Variants in TSPAN9 observed in about 807,000 individuals in gnomAD.
TSPAN9 encodes tetraspanin 9.
A neutral mutation model predicts 31.0 loss-of-function variants in TSPAN9; 16 were observed. The observed-to-expected ratio is 0.52, with a 90% CI of 0.35 to 0.78. The LOEUF is 0.78. Ranked by LOEUF, TSPAN9 falls within the 30% of genes least tolerant of loss-of-function variation. The pLI is 0.01. For synonymous variants in TSPAN9, 145 were observed against 121.6 expected (o/e 1.19, Z -1.27); for missense variants, 272 against 312.5 (o/e 0.87, Z 0.98).
chr12:3,231,735 G>A (rs1256008444), intron 3 of TSPAN9, among the ~76,000 whole-genome samples: 3 of 152,238 alleles, frequency 2.0e-5, no homozygotes, highest in Admixed American at 2.0e-4. Flanking sequence ...ATGATCTCCC[G>A]GCTCGGGTTA....
chr12:3,255,243 T>G (rs1479037330), intron 3 of TSPAN9, among the ~76,000 whole-genome samples: 1 of 152,214 alleles, frequency 6.6e-6, no homozygotes, highest in East Asian at 1.9e-4. Context: ...GAGGCTGTGT[T>G]AGGCGAGCCC....
At chr12:3,081,414 A>G (rs2098297745) in intron 1 of TSPAN9, among the ~76,000 whole-genome samples, 2 of 152,062 alleles carry the variant, frequency 1.3e-5, no homozygotes, top group South Asian at 4.1e-4. Flanking sequence ...TCTCCCAAGC[A>G]TGCTTTGCGC....
At chr12:3,136,208 T>C (rs2098332056) in intron 2 of TSPAN9, among the ~76,000 whole-genome samples, 1 of 152,196 alleles carries the variant, frequency 6.6e-6, no homozygotes. Flanking sequence ...CTGACTCCTT[T>C]GCTTACATTT....
At chr12:3,220,548 C>G (rs1422443206) in intron 3 of TSPAN9, among the ~76,000 whole-genome samples, 1 of 152,212 alleles carries the variant, frequency 6.6e-6, no homozygotes, top group Non-Finnish European at 1.5e-5. Flanking sequence ...TTCGTCGATT[C>G]TGCTGCACCC....
At chr12:3,153,235 G>T (rs1369247479) in intron 2 of TSPAN9, among the ~76,000 whole-genome samples, 1 of 152,138 alleles carries the variant, frequency 6.6e-6, no homozygotes, top group Non-Finnish European at 1.5e-5. Context: ...TTATTTCAGG[G>T]TCAGGAGCTA....
intron 2 of TSPAN9, among the ~76,000 whole-genome samples, chr12:3,099,262 T>G (rs2098310675): frequency 6.6e-6 from 1 of 152,254 alleles, no homozygotes; most frequent in Non-Finnish European, 1.5e-5. Flanking sequence ...TTTCTATTGC[T>G]ATGTCTTCAA....
At chr12:3,181,882 G>A (rs1218862024) in intron 2 of TSPAN9, among the ~76,000 whole-genome samples, 1 of 152,156 alleles carries the variant, frequency 6.6e-6, no homozygotes, top group Non-Finnish European at 1.5e-5. Flanking sequence ...TCCCATGGGT[G>A]CCTGAGCTCA....
intron 3 of TSPAN9, among the ~76,000 whole-genome samples, chr12:3,254,042 C>T (rs1565633329): frequency 6.6e-6 from 1 of 152,162 alleles, no homozygotes; most frequent in Non-Finnish European, 1.5e-5. Context: ...TCCTGGCCCT[C>T]CTGCTGAGTC....
intron 3 of TSPAN9, among the ~76,000 whole-genome samples, chr12:3,207,045 C>T (rs758406663): frequency 4.6e-5 from 7 of 152,092 alleles, no homozygotes; most frequent in Non-Finnish European, 8.8e-5. Flanking sequence ...CCCAGAGAAA[C>T]AAAGGGTCGT....
chr12:3,270,350 A>G (rs1862650371), intron 3 of TSPAN9, among the ~76,000 whole-genome samples: 1 of 152,130 alleles, frequency 6.6e-6, no homozygotes, highest in Admixed American at 6.5e-5. Flanking sequence ...GTGTGTGGGG[A>G]CAGCACATGA....
At chr12:3,243,207 C>G (rs2098397512) in intron 3 of TSPAN9, among the ~76,000 whole-genome samples, 1 of 152,160 alleles carries the variant, frequency 6.6e-6, no homozygotes, top group African/African-American at 2.4e-5. Flanking sequence ...GAGTTACTGT[C>G]CGTGGTTGAG....
At chr12:3,149,044 C>G (rs1271568627) in intron 2 of TSPAN9, among the ~76,000 whole-genome samples, 1 of 152,182 alleles carries the variant, frequency 6.6e-6, no homozygotes, top group Non-Finnish European at 1.5e-5. Flanking sequence ...GCTTTCAGCC[C>G]CCCGCCATTT....
rs1439551732 is a variant in TSPAN9, at chr12:3,206,501, C to A, written c.63+5245C>A. 9.4e-6 allele frequency: 3 copies of A among 319,746 alleles called. No individual in the cohort carries two copies. In the East Asian group the frequency reaches 2.4e-4, roughly 26 times the overall value. The allele number at this position is 319,746 out of a possible 1,614,324, so 19.8% of individuals were successfully genotyped here. On this transcript the variant is annotated intron_variant, in intron 3 of 8. Coordinates refer to ENST00000011898, the MANE Select transcript of TSPAN9 (RefSeq NM_006675.5). ...GACTTGTCCTTTCCTCCCCTCTACA[C>A]CCACACAGCCACTTTCTGACTCTCC...
At chr12:3,270,292 C>T (rs1293379887) in intron 3 of TSPAN9, among the ~76,000 whole-genome samples, 1 of 152,168 alleles carries the variant, frequency 6.6e-6, no homozygotes, top group Non-Finnish European at 1.5e-5. Flanking sequence ...AGGTGACCTG[C>T]ATCGTCCTGT....
intron 2 of TSPAN9, among the ~76,000 whole-genome samples, chr12:3,109,393 C>G (rs947375781): frequency 6.6e-6 from 1 of 151,142 alleles, no homozygotes; most frequent in Non-Finnish European, 1.5e-5. Context: ...CCTTGGAAGT[C>G]TTTACATTTT....
At chr12:3,212,125 C>T (rs1376309825) in intron 3 of TSPAN9, among the ~76,000 whole-genome samples, 1 of 152,144 alleles carries the variant, frequency 6.6e-6, no homozygotes, top group Non-Finnish European at 1.5e-5. Flanking sequence ...GTGTGTGCCA[C>T]CATGCCTGGC....
At chr12:3,235,568 G>A (rs1419750412) in intron 3 of TSPAN9, among the ~76,000 whole-genome samples, 2 of 152,084 alleles carry the variant, frequency 1.3e-5, no homozygotes, top group Non-Finnish European at 2.9e-5. Context: ...GTCACCAGGG[G>A]CTACATGGAT....
chr12:3,113,671 A>T lies in TSPAN9; in HGVS notation c.-18+29952A>T, dbSNP rs1043480827. On this transcript the variant is annotated intron_variant, in intron 2 of 8. Coordinates refer to ENST00000011898, the MANE Select transcript of TSPAN9 (RefSeq NM_006675.5). ...CTTCCCACATTCTCCAGTGACACAGACCTGGAGCTGTGAACCCCGGGAGAC... is the reference window on the plus strand; with the variant it reads ...CTTCCCACATTCTCCAGTGACACAGTCCTGGAGCTGTGAACCCCGGGAGAC... 2.0e-5 allele frequency among the ~76,000 whole-genome samples: 3 copies of T among 152,144 alleles called. No homozygotes were observed. The East Asian group carries it at 5.8e-4, about 29-fold the overall frequency.
chr12:3,269,089 T>TGC (rs1862612973), intron 3 of TSPAN9, among the ~76,000 whole-genome samples: 1 of 62,948 alleles, frequency 1.6e-5, no homozygotes, highest in Non-Finnish European at 3.4e-5. Flanking sequence ...GCCCTCCCTG[T>TGC]GTTCCTGCAG....
Sources: allele counts gnomAD v4.1 joint callset (sites outside exome capture counted in the v4.1 genomes callset), GRCh38; gene constraint gnomAD v4.1.1; transcripts MANE v1.5; gene names NCBI Gene and HGNC (gene_info 2026-07-23, HGNC 2026-07-21).